Variants in RYR2 observed in about 807,000 individuals in gnomAD.
RYR2 encodes ryanodine receptor 2.
A neutral mutation model predicts 601.1 loss-of-function variants in RYR2; 227 were observed. The ratio of observed to expected loss-of-function variants is 0.38; its 90% CI spans 0.34 to 0.42. The LOEUF is 0.42. Among genes scored for constraint, RYR2 ranks in the 10% least tolerant of loss-of-function variants. RYR2 has a pLI of 1.00. For missense variants in RYR2, 4,646 were observed against 6,156.5 expected, an observed-to-expected ratio of 0.75 and a Z score of 8.21; for synonymous variants, 2,223 against 2,175.1, an observed-to-expected ratio of 1.02 and a Z score of -0.61.
intron 14 of RYR2, among the ~76,000 whole-genome samples, chr1:237,445,894 G>A (rs778888674): frequency 6.6e-6 from 1 of 152,048 alleles, no homozygotes; most frequent in African/African-American, 2.4e-5. Flanking sequence ...TCGGCTCACT[G>A]CATCCTCTGC....
chr1:237,730,468 G>C, intron 77 of RYR2, 112 bp downstream of exon 77: 1 of 553,176 alleles, frequency 1.8e-6, no homozygotes. Flanking sequence ...TACAGTATAT[G>C]GGTATTAGGA....
intron 62 of RYR2, among the ~76,000 whole-genome samples, chr1:237,684,847 AGGT>A (rs1466102438): frequency 3.3e-5 from 5 of 151,774 alleles, no homozygotes; most frequent in African/African-American, 1.2e-4. Flanking sequence ...AAGAGGCAAA[AGGT>A]TTTGAATACC....
intron 16 of RYR2, among the ~76,000 whole-genome samples, chr1:237,464,272 TC>T (rs2150272395): frequency 6.6e-6 from 1 of 152,272 alleles, no homozygotes; most frequent in African/African-American, 2.4e-5. Flanking sequence ...TTTTTGGACT[TC>T]CGTGCTTTTT....
intron 80 of RYR2, among the ~76,000 whole-genome samples, chr1:237,753,921 GT>G (rs200314485): frequency 0.015 from 2,064 of 138,336 alleles, 22 homozygotes; most frequent in South Asian, 0.07. Context: ...AGCTTTCAGA[GT>G]TTTTTTTTTT....
intron 4 of RYR2, among the ~76,000 whole-genome samples, chr1:237,356,272 TG>T (rs1378499727): frequency 6.6e-6 from 1 of 151,950 alleles, no homozygotes; most frequent in Non-Finnish European, 1.5e-5. Flanking sequence ...AACAGAAAGG[TG>T]TTTATTATTC....
At chr1:237,722,771 G>T (rs1206560042) in intron 73 of RYR2, among the ~76,000 whole-genome samples, 1 of 152,106 alleles carries the variant, frequency 6.6e-6, no homozygotes, top group Non-Finnish European at 1.5e-5. Flanking sequence ...TAGTTAAGGT[G>T]TCCAACAGGA....
chr1:237,130,337 T>C (rs1558289370), intron 1 of RYR2, among the ~76,000 whole-genome samples: 1 of 152,178 alleles, frequency 6.6e-6, no homozygotes, highest in Non-Finnish European at 1.5e-5. Flanking sequence ...ATTGGTTCCC[T>C]AGAGAACTAC....
At chr1:237,107,823 G>A (rs1385169197) in intron 1 of RYR2, among the ~76,000 whole-genome samples, 1 of 152,192 alleles carries the variant, frequency 6.6e-6, no homozygotes, top group African/African-American at 2.4e-5. Flanking sequence ...CGTCACACGT[G>A]TGGCATCCAC....
At chr1:237,117,500 T>C (rs1670203454) in intron 1 of RYR2, among the ~76,000 whole-genome samples, 1 of 152,194 alleles carries the variant, frequency 6.6e-6, no homozygotes, top group African/African-American at 2.4e-5. Context: ...TATTTCTGGA[T>C]TCCTGAAATG....
intron 1 of RYR2, among the ~76,000 whole-genome samples, chr1:237,056,351 A>T (rs1427072950): frequency 7.0e-6 from 1 of 143,178 alleles, no homozygotes; most frequent in East Asian, 2.2e-4. Flanking sequence ...GGAGCCCTGC[A>T]CCTGTGAGGA....
intron 2 of RYR2, among the ~76,000 whole-genome samples, chr1:237,311,242 A>G (rs1412922972): frequency 6.6e-6 from 1 of 152,190 alleles, no homozygotes; most frequent in Non-Finnish European, 1.5e-5. Flanking sequence ...ATATTTCTCC[A>G]TTTTCTAACA....
chr1:237,155,369 G>A (rs1187973903), intron 1 of RYR2, among the ~76,000 whole-genome samples: 1 of 151,580 alleles, frequency 6.6e-6, no homozygotes, highest in South Asian at 2.1e-4. Context: ...GTAGAGATGG[G>A]GTTTCACAAT....
At chr1:237,743,638 A>G in intron 80 of RYR2, 1 of 518,384 alleles carries the variant, frequency 1.9e-6, no homozygotes. Context: ...AACTATATAT[A>G]TGTGTGTATT....
intron 93 of RYR2, chr1:237,791,838 G>A: frequency 1.7e-6 from 1 of 571,670 alleles, no homozygotes. Context: ...TTTTGTAATT[G>A]AGAAGAGAGC....
intron 29 of RYR2, among the ~76,000 whole-genome samples, chr1:237,577,353 G>A (rs1015341984): frequency 6.6e-6 from 1 of 152,168 alleles, no homozygotes; most frequent in Non-Finnish European, 1.5e-5. Flanking sequence ...GGAAATCTGT[G>A]AATATGTTAC....
chr1:237,083,950 T>C (rs557458215), intron 1 of RYR2, among the ~76,000 whole-genome samples: 1 of 152,330 alleles, frequency 6.6e-6, no homozygotes, highest in South Asian at 2.1e-4. Context: ...AGGTGTTCTG[T>C]GGACACACGT....
At chr1:237,496,448 T>G (rs1481694898) in intron 19 of RYR2, 63 bp from the exon 20 acceptor site, 1 of 1,591,686 alleles carries the variant, frequency 6.3e-7, no homozygotes, top group African/African-American at 1.3e-5. Flanking sequence ...TTGTGAGATG[T>G]AAATGAAAAC....
chr1:237,416,663 A>G (rs896534095), intron 10 of RYR2, among the ~76,000 whole-genome samples: 10 of 152,220 alleles, frequency 6.6e-5, no homozygotes, highest in African/African-American at 2.4e-4. Flanking sequence ...ATTAAACTAT[A>G]CCTAAACTTA....
intron 1 of RYR2, among the ~76,000 whole-genome samples, chr1:237,222,808 G>A (rs1161422605): frequency 1.3e-5 from 2 of 152,180 alleles, no homozygotes; most frequent in African/African-American, 2.4e-5. Flanking sequence ...GCTTATGCCT[G>A]TAATCTCAGC....
Sources: gnomAD v4.1 joint callset for allele counts (sites outside exome capture counted in the v4.1 genomes callset) on GRCh38, gnomAD v4.1.1 for gene constraint, MANE v1.5 for transcripts, NCBI Gene and HGNC (gene_info 2026-07-23, HGNC 2026-07-21) for gene names.